Variants in OVCH2 observed in about 807,000 individuals in gnomAD.
The protein encoded by OVCH2 is ovochymase-2.
Under a neutral mutation model 73.7 loss-of-function variants are expected in OVCH2, and 88 were observed. The observed-to-expected ratio is 1.19, with a 90% confidence interval of 1.01 to 1.43. The LOEUF is 1.43. OVCH2 is among the 40% of genes most tolerant of loss of function. OVCH2 has a pLI of 0.00. For missense variants in OVCH2, 706 were observed against 674.5 expected (o/e 1.05, Z -0.52); for synonymous variants, 265 against 234.5 (o/e 1.13, Z -1.19).
At position 7,696,503 on chromosome 11, in the gene OVCH2, CTG is replaced by C. The variant is rs751348901; in HGVS notation, c.1101_1102del (p.His367GlnfsTer30). 13 of 1,614,006 alleles carry C rather than the reference CTG, an allele frequency of 8.1e-6. No individual in the cohort carries two copies. The highest frequency in any genetic ancestry group is 1.1e-5 in the Non-Finnish European group (13 of 1,179,894). On this transcript the variant is annotated frameshift_variant, in exon 10 of 16. Coordinates refer to ENST00000533663, the MANE Select transcript of OVCH2 (RefSeq NM_198185.7). LOFTEE classifies it high-confidence loss of function. ...TTCTAAAGAATACATTGACAGGTAA[CTG>C]TGGTGACAAGACTCAACATCTAGGT...
chr11:7,694,118 T>G (rs906641861), intron 12 of OVCH2, among the ~76,000 whole-genome samples: 1 of 152,194 alleles, frequency 6.6e-6, no homozygotes, highest in Non-Finnish European at 1.5e-5. Flanking sequence ...CCCTTTATTT[T>G]CTGCTCTCTT....
chr11:7,704,749 A>C, intron 1 of OVCH2, 75 bp from the exon 2 acceptor site: 1 of 975,134 alleles, frequency 1.0e-6, no homozygotes, highest in Non-Finnish European at 1.6e-6. Flanking sequence ...CATTTCACCC[A>C]TGAAACTGAG....
chr11:7,679,974 A>G, the OVCH2 span, among the ~76,000 whole-genome samples: 47,939 of 152,142 alleles, frequency 0.32, 8,524 homozygotes, highest in African/African-American at 0.49. Context: ...GACCCTTCCC[A>G]TATGCCTTGC....
At position 7,690,794 on chromosome 11, in the gene OVCH2, C is replaced by A. The variant is rs191367338; in HGVS notation, c.1639+475G>T. Among the ~76,000 whole-genome samples, 9 of 151,848 alleles carry A rather than the reference C, an allele frequency of 5.9e-5. No homozygotes were observed. The East Asian group carries it at 1.7e-3, about 29-fold the overall frequency. Reference sequence around the variant, plus strand: ...GTGGCACTTTTTTTTCATTTCTGTTCTTTTTATTGGTGACCTCAACCTTTA... The same window carrying A: ...GTGGCACTTTTTTTTCATTTCTGTTATTTTTATTGGTGACCTCAACCTTTA... On this transcript the variant is annotated intron_variant, in intron 14 of 15. Transcript: ENST00000533663.
Position 7,706,350 on chromosome 11 carries a change from G to C in OVCH2, c.45C>G (p.Val15=), listed in dbSNP as rs758875994. The C allele has an allele frequency of 2.5e-6, 4 of 1,589,878 alleles. No individual in the cohort carries two copies. The highest frequency in any genetic ancestry group is 3.4e-6 in the Non-Finnish European group (4 of 1,166,566). Residue 15 remains valine, a synonymous_variant, in exon 1 of 16, where the codon GTC becomes GTG. Transcript: ENST00000533663. Reference sequence around the variant, plus strand: ...TTGCAGATTTACCTCGTTCAAAAAAGACTATTCCTAGTAGTAAAATCAGCT... The same window carrying C: ...TTGCAGATTTACCTCGTTCAAAAAACACTATTCCTAGTAGTAAAATCAGCT... ...RNKLILLLGI[V]FFERGKSATL...
chr11:7,704,922 T>C (rs182003239), intron 1 of OVCH2, among the ~76,000 whole-genome samples: 41 of 152,244 alleles, frequency 2.7e-4, no homozygotes, highest in Admixed American at 1.1e-3. Context: ...TGCTAGGTAA[T>C]AGAAGAAAAA....
intron 1 of OVCH2, chr11:7,705,464 C>T (rs1031337543): frequency 2.6e-5 from 4 of 152,158 alleles, no homozygotes; most frequent in African/African-American, 9.7e-5. Flanking sequence ...AATGACTTTT[C>T]TTGAGAACAC....
In OVCH2 at chr11:7,695,149, CCTT is replaced by C. The variant is rs1316699405; in HGVS notation, c.1319_1321del (p.Glu440del). 1.3e-6 allele frequency: 2 copies of C among 1,558,004 alleles called. No homozygotes were observed. Among genetic ancestry groups the C allele is most frequent in the Non-Finnish European group, 1.7e-6 (2 of 1,150,896 alleles). On this transcript the variant is annotated inframe_deletion, in exon 12 of 16. Transcript: ENST00000533663. Reference sequence around the variant, plus strand: ...AGGATAGTTTAGACTCTGTATGAGACCTTCTTCAAAAAGGACAGTTAAGTAACT... The same window carrying C: ...AGGATAGTTTAGACTCTGTATGAGACCTTCAAAAAGGACAGTTAAGTAACT...
chr11:7,691,433 C>G, intron 13 of OVCH2, 33 bp from the exon 14 acceptor site: 2 of 1,591,028 alleles, frequency 1.3e-6, no homozygotes, highest in Non-Finnish European at 1.7e-6. Flanking sequence ...ATGACATTGT[C>G]AAGCACCCAG....
chr11:7,700,981 G>T (rs1856427173), intron 6 of OVCH2, among the ~76,000 whole-genome samples: 1 of 152,148 alleles, frequency 6.6e-6, no homozygotes, highest in African/African-American at 2.4e-5. Context: ...CACACTTCCT[G>T]CTAAAAACAG....
chr11:7,691,225 G>A, intron 14 of OVCH2, 44 bp downstream of exon 14: 2 of 1,558,116 alleles, frequency 1.3e-6, no homozygotes, highest in Non-Finnish European at 1.7e-6. Context: ...ACATCACAAG[G>A]ATTAGAACTG....
intron 10 of OVCH2, among the ~76,000 whole-genome samples, chr11:7,696,224 G>T (rs150079029): frequency 2.3e-4 from 35 of 152,248 alleles, no homozygotes; most frequent in African/African-American, 8.4e-4. Context: ...ACCAGGTCTG[G>T]CAAATGGGCC....
downstream of OVCH2, among the ~76,000 whole-genome samples, chr11:7,684,506 ATGTGTGTGTGTGTG>A (rs55770590): frequency 5.3e-4 from 75 of 141,434 alleles, 1 homozygote; most frequent in African/African-American, 1.5e-3. Flanking sequence ...ATACATACAT[ATGTGTGTGTGTGTG>A]TGTGTGTGTG....
chr11:7,701,308 C>T lies in OVCH2; in HGVS notation c.711+16G>A, dbSNP rs534901560. The T allele has an allele frequency of 2.5e-5, 40 of 1,602,558 alleles. No homozygotes were observed. The Middle Eastern group carries it at 9.3e-4, about 37-fold the overall frequency. On this transcript the variant is annotated intron_variant, in intron 6 of 15. Coordinates refer to ENST00000533663, the MANE Select transcript of OVCH2 (RefSeq NM_198185.7). ...ATCCTTGCCTGGGGCCTGACAGCCCCGCAGCTCCCACCCACCTGACATGCG... is the reference window on the plus strand; with the variant it reads ...ATCCTTGCCTGGGGCCTGACAGCCCTGCAGCTCCCACCCACCTGACATGCG...
chr11:7,688,171 C>G (rs1392149660), downstream of OVCH2, among the ~76,000 whole-genome samples: 1 of 152,092 alleles, frequency 6.6e-6, no homozygotes. Context: ...TTTGGTCTTC[C>G]CTTTTCTCTT....
At chr11:7,686,279 C>T (rs1030824853), downstream of OVCH2, among the ~76,000 whole-genome samples, 3 of 152,080 alleles carry the variant, frequency 2.0e-5, no homozygotes, top group East Asian at 1.9e-4. Context: ...ATGATGATGA[C>T]GATGATTCTT....
rs1457552982 is a variant in OVCH2 at position 7,703,774 on chromosome 11, T to C, written c.214A>G (p.Arg72Gly). 1.2e-6 allele frequency: 2 copies of C among 1,607,716 alleles called. No individual in the cohort carries two copies. The highest frequency in any genetic ancestry group is 1.7e-6 in the Non-Finnish European group (2 of 1,176,920). The change falls in exon 3 of 16, where the codon AGG becomes GGG. Residue 72 changes from arginine to glycine, a missense_variant. Transcript: ENST00000533663. ...SYPWQVSLKQ[R>G]QKHICGGSIV... ...CTTCCTCCACAAATATGCTTCTGCC[T>C]TTGTTTCAGAGATACCTAAATTGCA...
intron 1 of OVCH2, 29 bp from the exon 2 acceptor site, chr11:7,704,703 A>G: frequency 1.4e-6 from 2 of 1,451,892 alleles, no homozygotes; most frequent in Non-Finnish European, 1.9e-6. Context: ...AAACTAAATG[A>G]TTAGATAGCT....
At position 7,696,491 on chromosome 11, in the gene OVCH2, A is replaced by G. The variant is rs1370602589; in HGVS notation, c.1115T>C (p.Met372Thr). Residue 372 changes from methionine to threonine, a missense_variant, in exon 10 of 16, where the codon ATG becomes ACG. Transcript: ENST00000533663. Reference protein sequence around the residue: ...VESCHHSYLSMYSLEDRPIGK... With the variant: ...VESCHHSYLSTYSLEDRPIGK... ...AATGGGTCTGTCTTCTAAAGAATAC[A>G]TTGACAGGTAACTGTGGTGACAAGA... is the stretch of plus-strand genomic sequence containing the variant. 3.7e-6 allele frequency: 6 copies of G among 1,613,896 alleles called. No individual in the cohort carries two copies. The highest frequency in any genetic ancestry group is 5.1e-6 in the Non-Finnish European group (6 of 1,179,886).
Sources: allele counts gnomAD v4.1 joint callset (sites outside exome capture counted in the v4.1 genomes callset), GRCh38; gene constraint gnomAD v4.1.1; transcripts MANE v1.5; gene names NCBI Gene and HGNC (gene_info 2026-07-23, HGNC 2026-07-21).